The following RBM44 variants were observed in gnomAD, a reference collection of about 807,000 sequenced individuals.
RBM44 encodes RNA binding motif protein 44.
Under a neutral mutation model 105.1 loss-of-function variants are expected in RBM44, and 66 were observed. That is an observed-to-expected ratio of 0.63 (90% CI 0.52 to 0.77). The LOEUF (loss-of-function observed/expected upper bound fraction) is 0.77, where lower values mean the gene tolerates loss of function less well. Among genes scored for constraint, RBM44 ranks in the 30% least tolerant of loss-of-function variants. The probability of loss-of-function intolerance (pLI) is 0.00; values close to 1 mark genes in which losing one functional copy is unlikely to be tolerated. For missense variants in RBM44, 1,122 were observed against 1,207.8 expected (o/e 0.93, Z 1.05); for synonymous variants, 365 against 417.6 (o/e 0.87, Z 1.54).
At chr2:237,829,538 G>A in intron 13 of RBM44, 36 bp downstream of exon 13, 1 of 1,547,488 alleles carries the variant, frequency 6.5e-7, no homozygotes. Flanking sequence ...AATGGTCTTT[G>A]TACGTCATAT....
In RBM44 at chr2:237,829,246, G is replaced by A. The variant is rs1250629990; in HGVS notation, c.2630G>A (p.Ser877Asn). ...GCATCTCTTGCTTTTACAAAAAACAGCGATGCAAAGATAGCTGTGAAAGAA... is the reference window on the plus strand; with the variant it reads ...GCATCTCTTGCTTTTACAAAAAACAACGATGCAAAGATAGCTGTGAAAGAA... ...RYASLAFTKN[S>N]DAKIAVKEMN... The change falls in exon 13 of 16, where the codon AGC becomes AAC. Residue 877 changes from serine to asparagine, a missense_variant. Ser to Asn is a conservative substitution (Grantham distance 46). Transcript: ENST00000316997. The A allele has an allele frequency of 6.2e-7, 1 of 1,611,744 alleles. No individual in the cohort carries two copies. Among genetic ancestry groups the A allele is most frequent in the Non-Finnish European group, 8.5e-7 (1 of 1,178,978 alleles).
intron 15 of RBM44, chr2:237,834,641 C>G (rs1344586685): frequency 1.4e-5 from 3 of 221,812 alleles, no homozygotes; most frequent in East Asian, 1.3e-4. Context: ...CATAAACTCA[C>G]AGTTTGCAGA....
At chr2:237,816,847 G>A in intron 2 of RBM44, 146 bp from the exon 3 acceptor site, 1 of 549,200 alleles carries the variant, frequency 1.8e-6, no homozygotes, top group Non-Finnish European at 3.1e-6. Context: ...TCAGTTTTTA[G>A]CTGCTACTGA....
Position 237,818,493 on chromosome 2 carries a change from C to T in RBM44, c.1574C>T (p.Ser525Leu), listed in dbSNP as rs201251993. Residue 525 changes from serine (S) to leucine (L), a missense_variant, in exon 3 of 16, where the codon TCA (serine) becomes TTA (leucine). Coordinates refer to ENST00000316997, the MANE Select transcript of RBM44 (RefSeq NM_001080504.3). The surrounding 1 kb of genome is among the most constrained non-coding windows in gnomAD (Gnocchi z 4.6). ...QKSVACSTDW[S>L]YSEDCIDTQM... Reference sequence around the variant, plus strand: ...AGTGTGGCTTGTAGTACAGATTGGTCATACAGTGAAGATTGTATAGATACA... The same window carrying T: ...AGTGTGGCTTGTAGTACAGATTGGTTATACAGTGAAGATTGTATAGATACA... 6.2e-6 allele frequency: 10 copies of T among 1,612,028 alleles called. No individual in the cohort carries two copies. The African/African-American group carries it at 1.1e-4, about 17-fold the overall frequency.
chr2:237,826,372 T>G (rs906846121), intron 10 of RBM44, among the ~76,000 whole-genome samples: 11 of 152,156 alleles, frequency 7.2e-5, no homozygotes, highest in African/African-American at 2.7e-4. Context: ...GAAAACGTAC[T>G]CTTAAGAATT....
intron 15 of RBM44, among the ~76,000 whole-genome samples, chr2:237,839,335 G>A (rs556584555): frequency 6.6e-6 from 1 of 152,154 alleles, no homozygotes; most frequent in East Asian, 1.9e-4. Flanking sequence ...GTACAATGGC[G>A]CGATCTCAGC....
intron 4 of RBM44, 49 bp from the exon 5 acceptor site, chr2:237,820,126 A>G (rs1040509662): frequency 1.9e-5 from 20 of 1,077,330 alleles, no homozygotes; most frequent in Non-Finnish European, 2.6e-5. Context: ...TGTTATTACT[A>G]TAGAAAAATG....
At chr2:237,813,008 T>G (rs1248523591) in intron 1 of RBM44, among the ~76,000 whole-genome samples, 1 of 152,152 alleles carries the variant, frequency 6.6e-6, no homozygotes, top group African/African-American at 2.4e-5. Context: ...TTGAGTTATA[T>G]TTTACTCATT....
intron 1 of RBM44, among the ~76,000 whole-genome samples, chr2:237,808,251 G>A (rs543359496): frequency 8.5e-5 from 13 of 152,136 alleles, no homozygotes; most frequent in South Asian, 2.1e-4. Flanking sequence ...CCAGGAGTTC[G>A]AGACCAGCCA....
In RBM44 at chr2:237,801,149, T is replaced by C. The variant is rs183840126; in HGVS notation, c.-19+2288T>C. Among the ~76,000 whole-genome samples, 854 of 152,158 alleles carry C rather than the reference T, an allele frequency of 5.6e-3. 11 individuals are homozygous for C. The highest frequency in any genetic ancestry group is 0.019 in the African/African-American group (806 of 41,514). ...TAGGGGACCATCCTGGGCAGCATGGTGAAGCCCTGTCTCTACAAAAAAGTT... is the reference window on the plus strand; with the variant it reads ...TAGGGGACCATCCTGGGCAGCATGGCGAAGCCCTGTCTCTACAAAAAAGTT... On this transcript the variant is annotated intron_variant, in intron 1 of 15. Coordinates refer to ENST00000316997, the MANE Select transcript of RBM44 (RefSeq NM_001080504.3).
intron 1 of RBM44, among the ~76,000 whole-genome samples, chr2:237,806,872 G>GA (rs2061603856): frequency 6.6e-6 from 1 of 152,050 alleles, no homozygotes; most frequent in Non-Finnish European, 1.5e-5. Flanking sequence ...AATGGGTGGG[G>GA]TGGGGGGTGC....
chr2:237,812,586 G>C (rs1229552486), intron 1 of RBM44, among the ~76,000 whole-genome samples: 1 of 152,150 alleles, frequency 6.6e-6, no homozygotes, highest in East Asian at 1.9e-4. Flanking sequence ...CAGGATCAGT[G>C]ATTGAAATAA....
intron 10 of RBM44, 150 bp from the exon 11 acceptor site, chr2:237,827,100 T>C (rs4663266): frequency 0.16 from 84,990 of 540,272 alleles, 8,449 homozygotes; most frequent in East Asian, 0.42. Context: ...CTCTTAGTCC[T>C]CAGTCTAGAA....
At chr2:237,840,736 C>T (rs2062004376) in intron 15 of RBM44, among the ~76,000 whole-genome samples, 1 of 152,138 alleles carries the variant, frequency 6.6e-6, no homozygotes, top group South Asian at 2.1e-4. Context: ...AAAAAAATAA[C>T]CCCATTAAAA....
chr2:237,839,614 C>CT (rs1440617095), intron 15 of RBM44, among the ~76,000 whole-genome samples: 2 of 152,142 alleles, frequency 1.3e-5, no homozygotes, highest in Non-Finnish European at 2.9e-5. Context: ...GAAGTTGGAC[C>CT]TTTACCTTAC....
In RBM44 at chr2:237,803,855, C is replaced by T. The variant is rs2061571825; in HGVS notation, c.-19+4994C>T. On this transcript the variant is annotated intron_variant, in intron 1 of 15. Transcript: ENST00000316997. The surrounding 1 kb of genome is among the most constrained non-coding windows in gnomAD (Gnocchi z 4.2). ...CTAGATAGTAGAAATATACTTGTGC[C>T]AGTACCATTTATTGAATATGCCTTA... 6.6e-6 allele frequency among the ~76,000 whole-genome samples: 1 copy of T among 151,642 alleles called. No homozygotes were observed. Among genetic ancestry groups the T allele is most frequent in the Non-Finnish European group, 1.5e-5 (1 of 67,964 alleles).
chr2:237,833,738 G>A (rs1314950402), intron 13 of RBM44, among the ~76,000 whole-genome samples: 1 of 152,080 alleles, frequency 6.6e-6, no homozygotes, highest in African/African-American at 2.4e-5. Flanking sequence ...GAGGAATCTG[G>A]TTGAGAAAGC....
chr2:237,802,317 A>G (rs1006785762), intron 1 of RBM44, among the ~76,000 whole-genome samples: 1 of 152,306 alleles, frequency 6.6e-6, no homozygotes, highest in East Asian at 1.9e-4. Flanking sequence ...TTAGATTCTC[A>G]TAGGAACTCA....
At chr2:237,815,930 A>T (rs1330051440) in intron 2 of RBM44, among the ~76,000 whole-genome samples, 1 of 152,124 alleles carries the variant, frequency 6.6e-6, no homozygotes, top group Non-Finnish European at 1.5e-5. Flanking sequence ...CAGTCACATG[A>T]CTACCCTTTA....
Sources: allele counts gnomAD v4.1 joint callset (sites outside exome capture counted in the v4.1 genomes callset), GRCh38; gene constraint gnomAD v4.1.1; non-coding constraint Gnocchi (gnomAD v3.1); transcripts MANE v1.5; gene names NCBI Gene and HGNC (gene_info 2026-07-23, HGNC 2026-07-21).